The following DNAH17 variants were observed in gnomAD, a reference collection of about 807,000 sequenced individuals.
DNAH17 encodes dynein axonemal heavy chain 17, also known as axonemal beta dynein heavy chain 17.
Under a neutral mutation model 485.6 loss-of-function variants are expected in DNAH17, and 376 were observed. The observed-to-expected ratio is 0.77, with a 90% CI of 0.71 to 0.84. The LOEUF (loss-of-function observed/expected upper bound fraction) is 0.84, where lower values mean the gene tolerates loss of function less well. Among genes scored for constraint, DNAH17 ranks in the 40% least tolerant of loss-of-function variants. The pLI is 0.00. For synonymous variants in DNAH17, 3,031 were observed against 2,405.9 expected, an observed-to-expected ratio of 1.26 and a Z score of -7.60; for missense variants, 6,370 against 5,839.3, an observed-to-expected ratio of 1.09 and a Z score of -2.96.
At position 78,428,719 on chromosome 17, in the gene DNAH17, G is replaced by A; in HGVS notation, c.12406-12C>T. On this transcript the variant is annotated splice_polypyrimidine_tract_variant and intron_variant, in intron 76 of 80. Coordinates refer to ENST00000389840, the MANE Select transcript of DNAH17 (RefSeq NM_173628.4). The stretch of plus-strand genomic sequence containing the variant: ...TATTCGTGGTAACCCTGAAAAAGAG[G>A]GCAGTTTGTAAGCAGAGGCAAAGCT... 7 of 1,612,802 alleles carry A rather than the reference G, an allele frequency of 4.3e-6. No individual in the cohort carries two copies. The highest frequency in any genetic ancestry group is 5.9e-6 in the Non-Finnish European group (7 of 1,179,024).
intron 24 of DNAH17, among the ~76,000 whole-genome samples, 177 bp from the exon 25 acceptor site, chr17:78,525,338 C>A (rs1239282492): frequency 6.6e-6 from 1 of 152,216 alleles, no homozygotes; most frequent in Non-Finnish European, 1.5e-5. Flanking sequence ...TCCCCCAAGG[C>A]CTCCTGGGTC....
chr17:78,551,263 T>C (rs2091895201), intron 16 of DNAH17, among the ~76,000 whole-genome samples: 1 of 152,196 alleles, frequency 6.6e-6, no homozygotes, highest in Non-Finnish European at 1.5e-5. Flanking sequence ...GGCAGATCTC[T>C]TTCCACCCCT....
chr17:78,489,802 G>A (rs1225358605), intron 44 of DNAH17, among the ~76,000 whole-genome samples: 1 of 149,220 alleles, frequency 6.7e-6, no homozygotes, highest in African/African-American at 2.5e-5. Context: ...ACACATGGCA[G>A]GTGTGCGAAG....
At chr17:78,554,913 ATTT>A (rs1011352134) in intron 14 of DNAH17, among the ~76,000 whole-genome samples, 2 of 152,076 alleles carry the variant, frequency 1.3e-5, no homozygotes, top group East Asian at 1.9e-4. Flanking sequence ...AGCCCAGGTA[ATTT>A]TTTTATTTTT....
chr17:78,472,923 C>T (rs917668032), intron 54 of DNAH17: 4 of 305,312 alleles, frequency 1.3e-5, no homozygotes, highest in African/African-American at 9.1e-5. Context: ...ATCCCCTGAT[C>T]AGACATCTTG....
intron 13 of DNAH17, 99 bp from the exon 14 acceptor site, chr17:78,558,353 C>T: frequency 2.1e-6 from 3 of 1,430,084 alleles, no homozygotes; most frequent in Non-Finnish European, 2.8e-6. Context: ...GATGTTTTGA[C>T]AGCCGGGGGG....
At chr17:78,553,281 G>GTTTTTTTTT in intron 14 of DNAH17, among the ~76,000 whole-genome samples, 1 of 42,092 alleles carries the variant, frequency 2.4e-5, no homozygotes, top group South Asian at 7.6e-4. Flanking sequence ...CCAGGTTTTT[G>GTTTTTTTTT]TGTTTTTTTT....
intron 13 of DNAH17, among the ~76,000 whole-genome samples, chr17:78,559,660 C>CT (rs781019665): frequency 7.9e-5 from 12 of 152,186 alleles, no homozygotes; most frequent in Non-Finnish European, 1.5e-4. Context: ...GAGAAGGGTC[C>CT]TTTACAACTA....
chr17:78,520,899 TA>T (rs1489367935), intron 25 of DNAH17, among the ~76,000 whole-genome samples: 2 of 152,128 alleles, frequency 1.3e-5, no homozygotes, highest in Non-Finnish European at 2.9e-5. Context: ...TATGGAAAAG[TA>T]CAAGTCCTAG....
rs1598639276 is a variant in DNAH17 at position 78,524,523 on chromosome 17, G to A, written c.3864+486C>T. ...TCCACCACATGAGGATGCAGTGAGA[G>A]GGGACTGTCTATGAGCCACAAAGTG... On this transcript the variant is annotated intron_variant, in intron 25 of 80. Transcript: ENST00000389840. Among the ~76,000 whole-genome samples the A allele has an allele frequency of 2.0e-5, 3 of 152,130 alleles. No homozygotes were observed. The South Asian group carries it at 6.2e-4, about 32-fold the overall frequency.
intron 37 of DNAH17, among the ~76,000 whole-genome samples, chr17:78,498,149 CA>C (rs2090139788): frequency 7.8e-6 from 1 of 128,650 alleles, no homozygotes; most frequent in African/African-American, 3.2e-5. Flanking sequence ...CTCAAAAAAA[CA>C]AAACATAAAT....
intron 11 of DNAH17, among the ~76,000 whole-genome samples, chr17:78,562,739 A>G (rs1177278308): frequency 6.6e-6 from 1 of 152,264 alleles, no homozygotes; most frequent in Non-Finnish European, 1.5e-5. Context: ...TTTTATCCAC[A>G]GGAAGCGTTC....
At chr17:78,482,140 A>G (rs2146628374) in intron 48 of DNAH17, among the ~76,000 whole-genome samples, 1 of 137,380 alleles carries the variant, frequency 7.3e-6, no homozygotes, top group South Asian at 2.3e-4. Flanking sequence ...TGCAGTGGTG[A>G]ACACAGCTCA....
Position 78,569,410 on chromosome 17 carries a change from C to T in DNAH17, c.1162G>A (p.Asp388Asn), listed in dbSNP as rs200825911. The change falls in exon 8 of 81, where the codon GAC (aspartate) becomes AAC (asparagine). Residue 388 changes from aspartate to asparagine, a missense_variant. Coordinates refer to ENST00000389840, the MANE Select transcript of DNAH17 (RefSeq NM_173628.4). ...AGCTTCATGTTCACGCAGCAGAAGT[C>T]GTACGTCTGGTAGAGCTCCTTCAGC... ...NVLKELYQTY[D>N]FCCVNMKLFF... 2.1e-4 allele frequency: 340 copies of T among 1,612,948 alleles called. 1 individual carries two copies. The highest frequency in any genetic ancestry group is 5.4e-4 in the East Asian group (24 of 44,856).
Position 78,465,775 on chromosome 17 carries a change from C to T in DNAH17, c.8940+880G>A, listed in dbSNP as rs1349564385. 4.9e-5 allele frequency among the ~76,000 whole-genome samples: 7 copies of T among 142,688 alleles called. No individual in the cohort carries two copies. In the East Asian group the frequency reaches 7.8e-4, roughly 16 times the overall value. The allele number at this position is 142,688 out of a possible 152,430, so 93.6% of individuals were successfully genotyped here. On this transcript the variant is annotated intron_variant, in intron 56 of 80. Coordinates refer to ENST00000389840, the MANE Select transcript of DNAH17 (RefSeq NM_173628.4). ...GAGGGAGGTGGGGGCGGTCAGCCCCCGCCAGGCCAGCCGCCCCGTCCAGGA... is the reference window on the plus strand; with the variant it reads ...GAGGGAGGTGGGGGCGGTCAGCCCCTGCCAGGCCAGCCGCCCCGTCCAGGA...
rs1308960166 is a variant in DNAH17, at chr17:78,450,602, A to G, written c.10899+80T>C. On this transcript the variant is annotated intron_variant, in intron 67 of 80. Transcript: ENST00000389840. Reference sequence around the variant, plus strand: ...ACCGAAGCTGCTTTTCTCCTTTCTCATGGTAGGGAGGCGCCGATCGCCCGT... The same window carrying G: ...ACCGAAGCTGCTTTTCTCCTTTCTCGTGGTAGGGAGGCGCCGATCGCCCGT... 4.0e-6 allele frequency: 6 copies of G among 1,518,348 alleles called. No individual in the cohort carries two copies. In the African/African-American group the frequency reaches 5.6e-5, roughly 14 times the overall value. The allele number at this position is 1,518,348 out of a possible 1,614,324, so 94.1% of individuals were successfully genotyped here. A position where few individuals can be genotyped will look rare whatever the true frequency, so the allele number is the denominator to read the frequency against.
chr17:78,548,636 T>C (rs2091832097), intron 16 of DNAH17, among the ~76,000 whole-genome samples: 1 of 152,260 alleles, frequency 6.6e-6, no homozygotes, highest in Non-Finnish European at 1.5e-5. Flanking sequence ...AGCCTCCTTT[T>C]GGTCCTAACC....
At chr17:78,508,167 TG>T (rs1397050099) in intron 27 of DNAH17, among the ~76,000 whole-genome samples, 1 of 152,118 alleles carries the variant, frequency 6.6e-6, no homozygotes. Context: ...ATCCTGCAAT[TG>T]ACAATTTTGA....
chr17:78,576,367 TGA>T (rs2092432942), intron 1 of DNAH17, among the ~76,000 whole-genome samples: 1 of 152,096 alleles, frequency 6.6e-6, no homozygotes, highest in South Asian at 2.1e-4. Flanking sequence ...CAAACATCTC[TGA>T]GAGAGGACTT....
Sources: gnomAD v4.1 joint callset for allele counts (sites outside exome capture counted in the v4.1 genomes callset) on GRCh38, gnomAD v4.1.1 for gene constraint, MANE v1.5 for transcripts, NCBI Gene and HGNC (gene_info 2026-07-23, HGNC 2026-07-21) for gene names.